The following VIT variants were observed in gnomAD, a reference collection of about 807,000 sequenced individuals.
VIT encodes vitrin.
VIT carries 99 observed loss-of-function variants against 78.0 expected under a neutral mutation model. The observed-to-expected ratio is 1.27, with a 90% confidence interval of 1.08 to 1.50. The LOEUF (loss-of-function observed/expected upper bound fraction) is 1.50, where lower values mean the gene tolerates loss of function less well. Among genes scored for constraint, VIT ranks in the 40% most tolerant of loss-of-function variants. The pLI, the probability that VIT is intolerant of heterozygous loss-of-function variation, is 0.00. For synonymous variants in VIT, 374 were observed against 334.3 expected (o/e 1.12, Z -1.29); for missense variants, 1,126 against 875.3 (o/e 1.29, Z -3.61).
intron 15 of VIT, among the ~76,000 whole-genome samples, chr2:36,811,823 C>T (rs1485980255): frequency 2.6e-5 from 4 of 151,990 alleles, no homozygotes; most frequent in Admixed American, 6.6e-5. Context: ...CAGGAACCTG[C>T]CACCACACCC....
At chr2:36,765,113 T>C (rs1482036340) in intron 6 of VIT, among the ~76,000 whole-genome samples, 2 of 152,160 alleles carry the variant, frequency 1.3e-5, no homozygotes. Flanking sequence ...CCTTTGCTAA[T>C]GTGATTAAAT....
chr2:36,776,952 G>A (rs78971281), intron 9 of VIT, among the ~76,000 whole-genome samples: 2,268 of 148,714 alleles, frequency 0.015, 35 homozygotes, highest in South Asian at 0.043. Context: ...AGCCAGGCGT[G>A]GTGGCGGGCG....
intron 4 of VIT, among the ~76,000 whole-genome samples, chr2:36,743,969 C>A (rs1558532974): frequency 6.6e-6 from 1 of 152,134 alleles, no homozygotes. Flanking sequence ...CTCCTTCCCC[C>A]TTCTTGTATT....
At position 36,760,335 on chromosome 2, in the gene VIT, T is replaced by G. The variant is rs572381619; in HGVS notation, c.487+1289T>G. The stretch of plus-strand genomic sequence containing the variant: ...TGCTAATAGTACGTATATAGATCGC[T>G]GATTTCCTGATTTGAGGAGCCTTAG... On this transcript the variant is annotated intron_variant, in intron 6 of 15. Transcript: ENST00000379242. 2.0e-5 allele frequency among the ~76,000 whole-genome samples: 3 copies of G among 152,308 alleles called. No individual in the cohort carries two copies. The South Asian group carries it at 6.2e-4, about 32-fold the overall frequency.
At chr2:36,710,172 A>G (rs1424956439) in intron 1 of VIT, among the ~76,000 whole-genome samples, 1 of 152,234 alleles carries the variant, frequency 6.6e-6, no homozygotes, top group African/African-American at 2.4e-5. Context: ...GATAACAACA[A>G]TACTTCTTAA....
chr2:36,737,264 A>T (rs980571230), intron 3 of VIT, among the ~76,000 whole-genome samples: 1 of 152,192 alleles, frequency 6.6e-6, no homozygotes, highest in African/African-American at 2.4e-5. Context: ...GGAAGCAGTG[A>T]AAGGCAAGGT....
intron 11 of VIT, among the ~76,000 whole-genome samples, chr2:36,785,217 T>C (rs1319313207): frequency 6.6e-6 from 1 of 152,200 alleles, no homozygotes; most frequent in Non-Finnish European, 1.5e-5. Context: ...AAACTCCACC[T>C]CAGGATTACT....
intron 1 of VIT, among the ~76,000 whole-genome samples, chr2:36,706,737 C>T (rs749004231): frequency 1.1e-4 from 16 of 152,208 alleles, no homozygotes; most frequent in Non-Finnish European, 2.9e-5. Context: ...ATCTCTGCAT[C>T]TGACAATAAT....
At position 36,808,793 on chromosome 2, in the gene VIT, C is replaced by G; in HGVS notation, c.1711C>G (p.Pro571Ala). The change falls in exon 15 of 16, where the codon CCT becomes GCT. Residue 571 changes from proline (P) to alanine (A), a missense_variant. Transcript: ENST00000379242. ...TGGGTTCGACAAGTACAGCAGCAAG[C>G]CTGACATCCTCAACGCCATCAAGAG... ...EFGFDKYSSK[P>A]DILNAIKRVG... 1 of 1,614,106 alleles carries G rather than the reference C, an allele frequency of 6.2e-7. No individual in the cohort carries two copies.
intron 3 of VIT, among the ~76,000 whole-genome samples, chr2:36,734,715 C>T (rs867316467): frequency 2.6e-5 from 4 of 152,172 alleles, no homozygotes; most frequent in African/African-American, 4.8e-5. Context: ...TTTCTCTCCT[C>T]TCTACTTTCC....
chr2:36,776,905 C>G (rs552071404), intron 9 of VIT, among the ~76,000 whole-genome samples: 2 of 150,968 alleles, frequency 1.3e-5, no homozygotes, highest in South Asian at 4.2e-4. Flanking sequence ...CCGGCTAACA[C>G]GGTGAAACTC....
At chr2:36,728,918 G>T (rs184093360) in intron 2 of VIT, among the ~76,000 whole-genome samples, 1 of 151,182 alleles carries the variant, frequency 6.6e-6, no homozygotes, top group African/African-American at 2.4e-5. Flanking sequence ...TAATATCCTA[G>T]GCCTTCACAC....
chr2:36,707,019 C>T (rs568976214), intron 1 of VIT, among the ~76,000 whole-genome samples: 103 of 152,140 alleles, frequency 6.8e-4, no homozygotes, highest in Non-Finnish European at 9.9e-4. Context: ...AGGGGCTCTT[C>T]GGTGGTTCAA....
intron 1 of VIT, among the ~76,000 whole-genome samples, chr2:36,702,789 T>C (rs1573100760): frequency 6.6e-6 from 1 of 152,166 alleles, no homozygotes; most frequent in African/African-American, 2.4e-5. Flanking sequence ...GGCATGTCTA[T>C]GGGTGCTGTG....
chr2:36,722,169 T>C (rs878879856), intron 2 of VIT, among the ~76,000 whole-genome samples: 1 of 152,236 alleles, frequency 6.6e-6, no homozygotes, highest in African/African-American at 2.4e-5. Flanking sequence ...GCTTTAGATA[T>C]GTTTCAATGC....
intron 12 of VIT, among the ~76,000 whole-genome samples, chr2:36,798,226 G>A (rs543438599): frequency 1.3e-5 from 2 of 152,252 alleles, no homozygotes; most frequent in East Asian, 3.9e-4. Context: ...GCAGAACTGA[G>A]GACTGAAGGT....
chr2:36,718,827 A>G (rs538231568), intron 2 of VIT, among the ~76,000 whole-genome samples: 3 of 152,196 alleles, frequency 2.0e-5, no homozygotes, highest in Non-Finnish European at 4.4e-5. Context: ...TTACTTTAGC[A>G]AACAAAAAAA....
chr2:36,775,090 T>A (rs1453686090), intron 9 of VIT, 23 bp downstream of exon 9: 2 of 1,612,858 alleles, frequency 1.2e-6, no homozygotes, highest in South Asian at 1.1e-5. Context: ...CTGCTTACCA[T>A]CTCTGCTCCC....
intron 13 of VIT, among the ~76,000 whole-genome samples, chr2:36,803,610 T>C (rs893405793): frequency 6.6e-6 from 1 of 152,230 alleles, no homozygotes; most frequent in East Asian, 1.9e-4. Flanking sequence ...AGGTTTTTCC[T>C]TAGCAAGTGG....
Sources: allele counts gnomAD v4.1 joint callset (sites outside exome capture counted in the v4.1 genomes callset), GRCh38; gene constraint gnomAD v4.1.1; transcripts MANE v1.5; gene names NCBI Gene and HGNC (gene_info 2026-07-23, HGNC 2026-07-21).